SLC38A6: variants seen among roughly 807,000 people sequenced by gnomAD.
SLC38A6 encodes the protein N system amino acid transporter NAT-1.
Under a neutral mutation model 65.0 loss-of-function variants are expected in SLC38A6, and 73 were observed. That is an observed-to-expected ratio of 1.12 (90% CI 0.93 to 1.37). The LOEUF is 1.37. Ranked by LOEUF, SLC38A6 falls within the 40% of genes most tolerant of loss-of-function variation. SLC38A6 has a pLI of 0.00. For synonymous variants in SLC38A6, 183 were observed against 178.8 expected, an observed-to-expected ratio of 1.02 and a Z score of -0.19; for missense variants, 561 against 531.1, an observed-to-expected ratio of 1.06 and a Z score of -0.55.
chr14:61,061,039 A>T (rs935726845), intron 15 of SLC38A6, among the ~76,000 whole-genome samples: 8 of 151,902 alleles, frequency 5.3e-5, no homozygotes, highest in South Asian at 2.1e-4. Flanking sequence ...CCTAGTGAGA[A>T]GAACCCGGTA....
intron 3 of SLC38A6, chr14:60,987,167 TCC>T: frequency 7.1e-6 from 2 of 282,302 alleles, no homozygotes; most frequent in Non-Finnish European, 6.8e-6. Context: ...GGTAGGCTTT[TCC>T]TTTTTTTTTT....
At chr14:61,066,021 G>A (rs2043007043) in intron 15 of SLC38A6, among the ~76,000 whole-genome samples, 1 of 152,110 alleles carries the variant, frequency 6.6e-6, no homozygotes, top group Admixed American at 6.6e-5. Context: ...AGCTCTCTGT[G>A]GCTGTGTTAG....
chr14:61,040,854 G>A (rs1007520979), intron 8 of SLC38A6, among the ~76,000 whole-genome samples: 11 of 152,176 alleles, frequency 7.2e-5, no homozygotes. Flanking sequence ...AGGCATTTTA[G>A]GATGTGGAAA....
chr14:60,981,723 C>T, intron 1 of SLC38A6: 1 of 1,309,558 alleles, frequency 7.6e-7, no homozygotes, highest in Non-Finnish European at 1.0e-6. Flanking sequence ...TTTTCTCCAC[C>T]AGTCTCGTGA....
intron 10 of SLC38A6, among the ~76,000 whole-genome samples, chr14:61,044,994 A>G (rs1470868080): frequency 6.6e-6 from 1 of 152,118 alleles, no homozygotes; most frequent in Non-Finnish European, 1.5e-5. Flanking sequence ...AAAAAAGAGC[A>G]TTTCTAAAAT....
At chr14:60,997,295 G>A (rs1039618370) in intron 3 of SLC38A6, among the ~76,000 whole-genome samples, 1 of 152,070 alleles carries the variant, frequency 6.6e-6, no homozygotes, top group African/African-American at 2.4e-5. Flanking sequence ...GGGACTACAG[G>A]TGTGCACCAC....
At chr14:61,052,269 T>A in intron 15 of SLC38A6, 80 bp from the exon 16 acceptor site, 2 of 1,342,532 alleles carry the variant, frequency 1.5e-6, no homozygotes, top group Non-Finnish European at 1.0e-6. Context: ...GAGTAGAGAT[T>A]TAACAAATAA....
chr14:61,073,356 G>A (rs1594792196), intron 15 of SLC38A6, among the ~76,000 whole-genome samples: 1 of 152,246 alleles, frequency 6.6e-6, no homozygotes, highest in Non-Finnish European at 1.5e-5. Flanking sequence ...ACCTACTGAG[G>A]AAGGTGGAGC....
At chr14:60,981,469 G>A in intron 1 of SLC38A6, 87 bp downstream of exon 1, 1 of 1,541,288 alleles carries the variant, frequency 6.5e-7, no homozygotes, top group South Asian at 1.2e-5. Flanking sequence ...AAGGAGGACC[G>A]CACCGGGACA....
intron 15 of SLC38A6, among the ~76,000 whole-genome samples, chr14:61,075,708 T>C (rs1258941946): frequency 6.6e-6 from 1 of 151,932 alleles, no homozygotes; most frequent in Non-Finnish European, 1.5e-5. Flanking sequence ...GTCATCTTGC[T>C]AGGTTCTCTG....
At chr14:61,028,474 C>T (rs1018497568) in intron 5 of SLC38A6, among the ~76,000 whole-genome samples, 12 of 152,022 alleles carry the variant, frequency 7.9e-5, no homozygotes, top group South Asian at 4.2e-4. Flanking sequence ...TCTTTGGAAT[C>T]GGTAAAATAT....
intron 15 of SLC38A6, among the ~76,000 whole-genome samples, chr14:61,067,650 C>G (rs983531963): frequency 6.6e-6 from 1 of 151,860 alleles, no homozygotes; most frequent in Non-Finnish European, 1.5e-5. Flanking sequence ...TTTCTAGAAC[C>G]CTGTACTTGT....
At chr14:61,037,173 G>T in intron 7 of SLC38A6, 32 bp downstream of exon 7, 1 of 1,466,346 alleles carries the variant, frequency 6.8e-7, no homozygotes, top group Non-Finnish European at 9.2e-7. Context: ...TATTTGTTTA[G>T]AAAAAGGAAA....
At chr14:61,040,996 G>T (rs1197133736) in intron 8 of SLC38A6, among the ~76,000 whole-genome samples, 1 of 152,190 alleles carries the variant, frequency 6.6e-6, no homozygotes, top group Non-Finnish European at 1.5e-5. Flanking sequence ...AGAGTCTCAA[G>T]AGTTGAGAGG....
At chr14:61,067,601 C>G (rs1594782461) in intron 15 of SLC38A6, among the ~76,000 whole-genome samples, 1 of 152,126 alleles carries the variant, frequency 6.6e-6, no homozygotes, top group African/African-American at 2.4e-5. Flanking sequence ...AGTATGTGGT[C>G]AGAAAAGCTG....
intron 11 of SLC38A6, 30 bp downstream of exon 11, chr14:61,045,455 A>G (rs1395138730): frequency 6.6e-7 from 1 of 1,507,514 alleles, no homozygotes; most frequent in African/African-American, 1.4e-5. Context: ...TATTTTAAAT[A>G]TATTGTGTAT....
chr14:60,996,494 A>G (rs2038303893), intron 3 of SLC38A6, among the ~76,000 whole-genome samples: 1 of 152,126 alleles, frequency 6.6e-6, no homozygotes, highest in Non-Finnish European at 1.5e-5. Context: ...TTAGAAGATC[A>G]GTCCAGGAAG....
intron 3 of SLC38A6, among the ~76,000 whole-genome samples, chr14:61,014,752 C>T (rs936175921): frequency 1.3e-5 from 2 of 152,154 alleles, no homozygotes; most frequent in African/African-American, 4.8e-5. Context: ...GAAGTTTTGT[C>T]TCAGAGGAGT....
chr14:61,026,139 G>C (rs571514465), intron 5 of SLC38A6, among the ~76,000 whole-genome samples: 1 of 152,112 alleles, frequency 6.6e-6, no homozygotes, highest in South Asian at 2.1e-4. Flanking sequence ...CTCCAATTAG[G>C]GTTGGTTTGT....
Sources: allele counts gnomAD v4.1 joint callset (sites outside exome capture counted in the v4.1 genomes callset), GRCh38; gene constraint gnomAD v4.1.1; transcripts MANE v1.5; gene names NCBI Gene and HGNC (gene_info 2026-07-23, HGNC 2026-07-21).